The following FBXO25 variants were observed in gnomAD, a reference collection of about 807,000 sequenced individuals.
FBXO25 encodes the protein F-box protein 25, also known as F-box only protein 25.
In FBXO25, 45 loss-of-function variants were observed where a neutral mutation model predicts 51.9. The ratio of observed to expected loss-of-function variants is 0.87; its 90% confidence interval spans 0.68 to 1.11. The LOEUF is 1.11. Ranked by LOEUF, FBXO25 falls within the 50% of genes most tolerant of loss-of-function variation. The pLI is 0.00. For synonymous variants in FBXO25, 199 were observed against 151.0 expected (o/e 1.32, Z -2.33); for missense variants, 507 against 428.5 (o/e 1.18, Z -1.62).
chr8:456,183 A>G (rs1364019373), intron 7 of FBXO25, among the ~76,000 whole-genome samples: 1 of 152,156 alleles, frequency 6.6e-6, no homozygotes, highest in Admixed American at 6.6e-5. Context: ...TTAGGGGTTA[A>G]TTTACTTGCA....
chr8:432,593 GTAA>G (rs1797879208), intron 3 of FBXO25, among the ~76,000 whole-genome samples: 3 of 152,162 alleles, frequency 2.0e-5, no homozygotes, highest in Non-Finnish European at 4.4e-5. Context: ...TAGGAATGTA[GTAA>G]TGTAATTGCA....
chr8:442,560 C>A (rs900774977), intron 5 of FBXO25, among the ~76,000 whole-genome samples: 13 of 152,132 alleles, frequency 8.5e-5, no homozygotes, highest in Non-Finnish European at 1.8e-4. Context: ...ACTTCCGCCC[C>A]CCGGGTTCAA....
At chr8:439,061 C>T (rs1470463104) in intron 5 of FBXO25, among the ~76,000 whole-genome samples, 1 of 152,206 alleles carries the variant, frequency 6.6e-6, no homozygotes, top group Non-Finnish European at 1.5e-5. Flanking sequence ...CTCAGAGGTG[C>T]CCAGCAAACC....
chr8:447,747 A>G (rs1798832406), intron 5 of FBXO25, among the ~76,000 whole-genome samples: 1 of 152,206 alleles, frequency 6.6e-6, no homozygotes, highest in Non-Finnish European at 1.5e-5. Context: ...TTTATACAGT[A>G]TTTTTAATAA....
At chr8:468,370 C>T (rs573687495) in intron 9 of FBXO25, 28 of 713,154 alleles carry the variant, frequency 3.9e-5, no homozygotes, top group Non-Finnish European at 4.8e-5. Context: ...GACCAGAGGA[C>T]AGAAAGTCCC....
In FBXO25 at chr8:422,017, G is replaced by T. The variant is rs542278584; in HGVS notation, c.134+8804G>T. Among the ~76,000 whole-genome samples, 29 of 152,310 alleles carry T rather than the reference G, an allele frequency of 1.9e-4. No homozygotes were observed. In the South Asian group the frequency reaches 5.6e-3, roughly 29 times the overall value. ...AACAGTTCTTCCTTGTAGAATTCCAGTTAATAAATATAGAAGGAATAAGGG... is the reference window on the plus strand; with the variant it reads ...AACAGTTCTTCCTTGTAGAATTCCATTTAATAAATATAGAAGGAATAAGGG... On this transcript the variant is annotated intron_variant, in intron 2 of 9. Coordinates refer to ENST00000350302, the MANE Select transcript of FBXO25 (RefSeq NM_183420.2).
intron 2 of FBXO25, among the ~76,000 whole-genome samples, chr8:413,999 G>A (rs1423695140): frequency 6.6e-6 from 1 of 152,182 alleles, no homozygotes; most frequent in Non-Finnish European, 1.5e-5. Context: ...CCTCTAGAAT[G>A]TCATGGGTCT....
chr8:437,666 C>G (rs960473526), intron 5 of FBXO25, among the ~76,000 whole-genome samples: 1 of 152,190 alleles, frequency 6.6e-6, no homozygotes, highest in Non-Finnish European at 1.5e-5. Flanking sequence ...TCCTCCATGT[C>G]CCCATCCCAA....
At chr8:456,126 T>C (rs1384456326) in intron 7 of FBXO25, among the ~76,000 whole-genome samples, 2 of 152,272 alleles carry the variant, frequency 1.3e-5, no homozygotes, top group Admixed American at 1.3e-4. Context: ...GGAATTAGAA[T>C]GAAGCACCTG....
chr8:459,120 C>T (rs185706812), intron 8 of FBXO25, among the ~76,000 whole-genome samples: 328 of 152,314 alleles, frequency 2.2e-3, no homozygotes, highest in Middle Eastern at 0.01. Context: ...GTCCCTGTTC[C>T]TGGGCCTCTG....
chr8:458,311 C>G, intron 7 of FBXO25, 58 bp from the exon 8 acceptor site: 4 of 1,557,452 alleles, frequency 2.6e-6, no homozygotes, highest in Non-Finnish European at 3.5e-6. Context: ...TCTTCAGTTA[C>G]TGTGTGAACA....
chr8:438,785 T>A (rs989307209), intron 5 of FBXO25, among the ~76,000 whole-genome samples: 1 of 152,178 alleles, frequency 6.6e-6, no homozygotes, highest in Non-Finnish European at 1.5e-5. Context: ...TCTTTGCCAG[T>A]GATCACAGGG....
chr8:463,265 A>G lies in FBXO25; in HGVS notation c.987+115A>G, dbSNP rs1799935919. The G allele has an allele frequency of 4.4e-6, 5 of 1,147,034 alleles. No homozygotes were observed. The East Asian group carries it at 1.2e-4, about 28-fold the overall frequency. 71.1% of individuals were successfully genotyped at this position (1,147,034 alleles called of 1,614,324 possible). On this transcript the variant is annotated intron_variant, in intron 9 of 9. Transcript: ENST00000350302. Reference sequence around the variant, plus strand: ...CGGAAAATACTGTTTGTTATAAGTAAGTTAAGGAGATATATTTTACCAAAT... The same window carrying G: ...CGGAAAATACTGTTTGTTATAAGTAGGTTAAGGAGATATATTTTACCAAAT...
At chr8:415,441 T>C (rs1397739259) in intron 2 of FBXO25, among the ~76,000 whole-genome samples, 3 of 152,224 alleles carry the variant, frequency 2.0e-5, no homozygotes, top group Admixed American at 2.0e-4. Flanking sequence ...AAACATAGTT[T>C]GATAGACAGA....
intron 2 of FBXO25, among the ~76,000 whole-genome samples, chr8:426,836 C>G (rs1430900172): frequency 4.4e-5 from 6 of 135,166 alleles, no homozygotes; most frequent in Non-Finnish European, 1.0e-4. Flanking sequence ...TTGTCGCCCT[C>G]TGCTCTGCTG....
rs1299631763 is a variant in FBXO25, at chr8:463,142, T to C, written c.979T>C (p.Phe327Leu). 6.2e-7 allele frequency: 1 copy of C among 1,610,314 alleles called. No homozygotes were observed. Among genetic ancestry groups the C allele is most frequent in the African/African-American group, 1.3e-5 (1 of 74,796 alleles). The change falls in exon 9 of 10, where the codon TTT (phenylalanine) becomes CTT (leucine). Residue 327 changes from phenylalanine to leucine, a missense_variant. Transcript: ENST00000350302. ...LHFCRHCSIL[F>L]WKDSGHPCTA... is the part of the protein sequence containing the mutation. Reference sequence around the variant, plus strand: ...TTTCTGTCGGCACTGCAGCATTCTCTTTTGGAAGGTACTGATTTAAATGCA... The same window carrying C: ...TTTCTGTCGGCACTGCAGCATTCTCCTTTGGAAGGTACTGATTTAAATGCA...
chr8:418,575 G>A (rs555004948), intron 2 of FBXO25, among the ~76,000 whole-genome samples: 1 of 151,952 alleles, frequency 6.6e-6, no homozygotes, highest in Non-Finnish European at 1.5e-5. Context: ...CTTGACCTCA[G>A]GTGATGCACC....
In FBXO25 at chr8:453,555, C is replaced by T. The variant is rs1017789154; in HGVS notation, c.660+2102C>T. ...TTTGTAGATGCCGGACTCAGTCAGC[C>T]AAATTGGTCTAAGGCTGCTTAAGGT... On this transcript the variant is annotated intron_variant, in intron 7 of 9. Transcript: ENST00000350302. Among the ~76,000 whole-genome samples the T allele has an allele frequency of 2.0e-5, 3 of 152,134 alleles. No individual in the cohort carries two copies. The East Asian group carries it at 5.8e-4, about 29-fold the overall frequency.
chr8:416,192 C>T (rs1398071496), intron 2 of FBXO25, among the ~76,000 whole-genome samples: 1 of 152,196 alleles, frequency 6.6e-6, no homozygotes, highest in African/African-American at 2.4e-5. Flanking sequence ...CCCACAGCCC[C>T]ACTGTGTTTG....
Sources: gnomAD v4.1 joint callset for allele counts (sites outside exome capture counted in the v4.1 genomes callset) on GRCh38, gnomAD v4.1.1 for gene constraint, MANE v1.5 for transcripts, NCBI Gene and HGNC (gene_info 2026-07-23, HGNC 2026-07-21) for gene names.